The following FBXL7 variants were observed in gnomAD, a reference collection of about 807,000 sequenced individuals.
FBXL7 encodes F-box and leucine rich repeat protein 7, also known as F-box/LRR-repeat protein 7.
FBXL7 carries 12 observed loss-of-function variants against 38.3 expected under a neutral mutation model. That is an observed-to-expected ratio of 0.31 (90% CI 0.20 to 0.51). The LOEUF (loss-of-function observed/expected upper bound fraction) is 0.51, where lower values mean the gene tolerates loss of function less well. Among genes scored for constraint, FBXL7 ranks in the 20% least tolerant of loss-of-function variants. FBXL7 has a pLI of 0.98. For missense variants in FBXL7, 567 were observed against 676.4 expected, an observed-to-expected ratio of 0.84 and a Z score of 1.79; for synonymous variants, 297 against 300.9, an observed-to-expected ratio of 0.99 and a Z score of 0.13.
chr5:15,501,575 A>C (rs1736486784), intron 1 of FBXL7: 1 of 985,440 alleles, frequency 1.0e-6, no homozygotes, highest in South Asian at 4.7e-5. Context: ...AGACCGGGTC[A>C]GTTTTACAGC....
intron 1 of FBXL7, among the ~76,000 whole-genome samples, chr5:15,583,814 C>G (rs1275212085): frequency 3.3e-5 from 5 of 152,268 alleles, no homozygotes; most frequent in Admixed American, 6.5e-5. Context: ...AGGCAGTGCC[C>G]CAGTGGGGAC....
chr5:15,668,842 T>G (rs904628880), intron 2 of FBXL7, among the ~76,000 whole-genome samples: 17 of 152,210 alleles, frequency 1.1e-4, no homozygotes, highest in Non-Finnish European at 2.4e-4. Context: ...CCCAACATAA[T>G]TTGTATACTA....
intron 2 of FBXL7, among the ~76,000 whole-genome samples, chr5:15,747,562 C>T (rs778708731): frequency 6.6e-5 from 10 of 152,202 alleles, no homozygotes; most frequent in Non-Finnish European, 1.3e-4. Flanking sequence ...TCAGCAGTAG[C>T]TATTATTTCA....
At chr5:15,846,945 T>A (rs1290736191) in intron 2 of FBXL7, among the ~76,000 whole-genome samples, 1 of 152,196 alleles carries the variant, frequency 6.6e-6, no homozygotes, top group Non-Finnish European at 1.5e-5. Context: ...AAAAAAATGT[T>A]CTACCAGATT....
In FBXL7 at chr5:15,517,002, T is replaced by C. The variant is rs570787819; in HGVS notation, c.37+16289T>C. Among the ~76,000 whole-genome samples, 4 of 152,080 alleles carry C rather than the reference T, an allele frequency of 2.6e-5. 1 individual carries two copies. The South Asian group carries it at 8.3e-4, about 32-fold the overall frequency. Reference sequence around the variant, plus strand: ...GGACTAATACATAGATATTGGGTTTTTTATTTTTTTATTTTTATTTTTATT... The same window carrying C: ...GGACTAATACATAGATATTGGGTTTCTTATTTTTTTATTTTTATTTTTATT... On this transcript the variant is annotated intron_variant, in intron 1 of 3. Transcript: ENST00000504595.
intron 2 of FBXL7, among the ~76,000 whole-genome samples, chr5:15,694,224 C>T (rs528772793): frequency 2.0e-5 from 3 of 150,338 alleles, no homozygotes; most frequent in African/African-American, 7.3e-5. Context: ...GCATGTCCTG[C>T]AAAGGGATAA....
intron 2 of FBXL7, among the ~76,000 whole-genome samples, chr5:15,888,411 T>C (rs534887002): frequency 6.6e-6 from 1 of 151,890 alleles, no homozygotes; most frequent in African/African-American, 2.4e-5. Flanking sequence ...TATTTTTTAG[T>C]AGAAATGGGA....
At chr5:15,513,145 C>CA (rs1295711526) in intron 1 of FBXL7, among the ~76,000 whole-genome samples, 2 of 151,608 alleles carry the variant, frequency 1.3e-5, no homozygotes, top group Non-Finnish European at 2.9e-5. Context: ...GCAAAATAAC[C>CA]AATGTAAGAA....
At chr5:15,920,077 T>C (rs1021781557) in intron 2 of FBXL7, among the ~76,000 whole-genome samples, 1 of 152,076 alleles carries the variant, frequency 6.6e-6, no homozygotes, top group Non-Finnish European at 1.5e-5. Flanking sequence ...ACCAACATGG[T>C]GAAACCCCAT....
intron 2 of FBXL7, among the ~76,000 whole-genome samples, chr5:15,770,727 A>G (rs1561120376): frequency 6.6e-6 from 1 of 152,178 alleles, no homozygotes; most frequent in African/African-American, 2.4e-5. Context: ...TTGTCCTATT[A>G]TAGAGATTGG....
At chr5:15,699,482 G>A (rs761480697) in intron 2 of FBXL7, among the ~76,000 whole-genome samples, 1 of 152,046 alleles carries the variant, frequency 6.6e-6, no homozygotes, top group African/African-American at 2.4e-5. Flanking sequence ...GAGAGAACCC[G>A]TCGTATTGGA....
Position 15,928,132 on chromosome 5 carries a change from C to G in FBXL7, c.370C>G (p.Gln124Glu), listed in dbSNP as rs1405117666. Residue 124 changes from glutamine (Q) to glutamate (E), a missense_variant, in exon 3 of 4, where the codon CAG becomes GAG. By Grantham distance (29) the Gln-to-Glu change is conservative. Transcript: ENST00000504595. This position sits in a 1 kb window ranked among gnomAD's most constrained non-coding sequence, Gnocchi z 4.0. The part of the protein sequence containing the change: ...IDRLPDHSMV[Q>E]IFSFLPTNQL... ...CCGGCTCCCGGACCACTCCATGGTG[C>G]AGATCTTCTCCTTCCTGCCCACCAA... 1.2e-6 allele frequency: 2 copies of G among 1,611,490 alleles called. No individual in the cohort carries two copies. The highest frequency in any genetic ancestry group is 1.7e-5 in the Admixed American group (1 of 59,784).
chr5:15,794,789 C>T (rs1036372476), intron 2 of FBXL7, among the ~76,000 whole-genome samples: 4 of 152,020 alleles, frequency 2.6e-5, no homozygotes, highest in Non-Finnish European at 5.9e-5. Flanking sequence ...TCCTGCCTTA[C>T]AACAAAAAAG....
At chr5:15,803,793 G>T (rs1737633933) in intron 2 of FBXL7, among the ~76,000 whole-genome samples, 1 of 152,036 alleles carries the variant, frequency 6.6e-6, no homozygotes, top group Admixed American at 6.6e-5. Flanking sequence ...TCACAAACTT[G>T]CCCCTTTACC....
At chr5:15,526,843 C>T (rs1168128263) in intron 1 of FBXL7, among the ~76,000 whole-genome samples, 1 of 152,176 alleles carries the variant, frequency 6.6e-6, no homozygotes, top group African/African-American at 2.4e-5. Context: ...TTCCTGGTGC[C>T]TGTGAGGATC....
chr5:15,917,037 C>T lies in FBXL7; in HGVS notation c.128-10853C>T, dbSNP rs138115699. ...AGTGGGTAGACTTATTTCCAGTTTA[C>T]GTAAGAGGAATCTGTGGCTCATGGA... On this transcript the variant is annotated intron_variant, in intron 2 of 3. Transcript: ENST00000504595. Among the ~76,000 whole-genome samples, 588 of 152,240 alleles carry T rather than the reference C, an allele frequency of 3.9e-3. 2 individuals are homozygous for T. Among genetic ancestry groups the T allele is most frequent in the Non-Finnish European group, 6.5e-3 (442 of 68,020 alleles).
chr5:15,646,838 A>G (rs1280552513), intron 2 of FBXL7, among the ~76,000 whole-genome samples: 6 of 152,148 alleles, frequency 3.9e-5, no homozygotes, highest in Non-Finnish European at 8.8e-5. Flanking sequence ...ACCAAGGGAT[A>G]CTCCAGAAGA....
intron 2 of FBXL7, among the ~76,000 whole-genome samples, chr5:15,785,245 G>A (rs1737104731): frequency 6.6e-6 from 1 of 152,198 alleles, no homozygotes; most frequent in South Asian, 2.1e-4. Flanking sequence ...AACACAGGAA[G>A]CGAGTGAAGC....
rs748383485 is a variant in FBXL7, at chr5:15,937,209, T to C, written c.*23T>C. ...TGAAGGGACAGAGTTCATCCGGCGT[T>C]GTATTCACACAAACCTGAACAAAGC... is the stretch of plus-strand genomic sequence containing the variant. On this transcript the variant is annotated 3_prime_UTR_variant, in exon 4 of 4. Coordinates refer to ENST00000504595, the MANE Select transcript of FBXL7 (RefSeq NM_012304.5). 6 of 1,551,168 alleles carry C rather than the reference T, an allele frequency of 3.9e-6. No individual in the cohort carries two copies. The highest frequency in any genetic ancestry group is 5.2e-6 in the Non-Finnish European group (6 of 1,148,158).
Sources: allele counts gnomAD v4.1 joint callset (sites outside exome capture counted in the v4.1 genomes callset), GRCh38; gene constraint gnomAD v4.1.1; non-coding constraint Gnocchi (gnomAD v3.1); transcripts MANE v1.5; gene names NCBI Gene and HGNC (gene_info 2026-07-23, HGNC 2026-07-21).